The following MAPK10 variants were observed in gnomAD, a reference collection of about 807,000 sequenced individuals.
MAPK10 encodes the protein mitogen-activated protein kinase 10.
MAPK10 carries 25 observed loss-of-function variants against 59.3 expected under a neutral mutation model. The observed-to-expected ratio is 0.42, with a 90% CI of 0.31 to 0.59. The LOEUF (loss-of-function observed/expected upper bound fraction) is 0.59. MAPK10 is among the 20% of genes least tolerant of loss of function. MAPK10 has a pLI of 0.15. For missense variants in MAPK10, 351 were observed against 568.9 expected (o/e 0.62, Z 3.90); for synonymous variants, 190 against 200.5 (o/e 0.95, Z 0.44).
chr4:86,421,674 G>A (rs1333154861), intron 1 of MAPK10, among the ~76,000 whole-genome samples: 1 of 152,166 alleles, frequency 6.6e-6, no homozygotes, highest in African/African-American at 2.4e-5. Flanking sequence ...GTGCAGTAAG[G>A]AAGAACCTGG....
intron 2 of MAPK10, among the ~76,000 whole-genome samples, chr4:86,247,176 T>G (rs908221441): frequency 7.2e-5 from 11 of 152,226 alleles, no homozygotes; most frequent in African/African-American, 2.7e-4. Flanking sequence ...AAGCCTCTAT[T>G]GTACTATACC....
chr4:86,363,627 A>G (rs2148986757), upstream of MAPK10, among the ~76,000 whole-genome samples: 1 of 152,316 alleles, frequency 6.6e-6, no homozygotes, highest in African/African-American at 2.4e-5. Flanking sequence ...GAGACCTCAC[A>G]TCATTTTTGT....
rs149023215 is a variant in MAPK10, at chr4:86,190,067, T to C, written c.66+4269A>G. Among the ~76,000 whole-genome samples, 1,305 of 152,290 alleles carry C rather than the reference T, an allele frequency of 8.6e-3. 7 individuals carry two copies. Among genetic ancestry groups the C allele is most frequent in the Middle Eastern group, 0.027 (8 of 294 alleles). On this transcript the variant is annotated intron_variant, in intron 3 of 13. Coordinates refer to ENST00000641462, the MANE Select transcript of MAPK10 (RefSeq NM_138982.4). ...ATTACATTTATTGATTTGCATATGC[T>C]GAAACACCCTTGCATCCCAGGGATG...
chr4:86,310,939 G>C (rs1578061087), intron 2 of MAPK10, among the ~76,000 whole-genome samples: 1 of 151,560 alleles, frequency 6.6e-6, no homozygotes, highest in East Asian at 1.9e-4. Flanking sequence ...CTGTTATATA[G>C]GTTTCCTGTA....
At chr4:86,583,153 A>G (rs1212553907) in intron 1 of MAPK10, among the ~76,000 whole-genome samples, 1 of 152,092 alleles carries the variant, frequency 6.6e-6, no homozygotes, top group African/African-American at 2.4e-5. Flanking sequence ...TAGGTAGTAC[A>G]GTTACCTAAG....
intron 1 of MAPK10, among the ~76,000 whole-genome samples, chr4:86,374,032 A>G (rs568246566): frequency 2.0e-4 from 30 of 152,324 alleles, no homozygotes; most frequent in Admixed American, 5.2e-4. Flanking sequence ...CAGACTGGAT[A>G]AAGAAAATGT....
intron 2 of MAPK10, among the ~76,000 whole-genome samples, chr4:86,203,154 T>C (rs2083028936): frequency 6.6e-6 from 1 of 151,976 alleles, no homozygotes; most frequent in Admixed American, 6.6e-5. Flanking sequence ...AATCACTAGT[T>C]GTTCTTTTGG....
At chr4:86,206,075 A>G (rs1007090042) in intron 2 of MAPK10, among the ~76,000 whole-genome samples, 3 of 151,990 alleles carry the variant, frequency 2.0e-5, no homozygotes, top group Non-Finnish European at 4.4e-5. Flanking sequence ...TTTAAGTTTT[A>G]GGGTACATGT....
At position 86,479,875 on chromosome 4, in the gene MAPK10, C is replaced by T. The variant is rs546670424; in HGVS notation, c.-263+114035G>A. On this transcript the variant is annotated intron_variant, in intron 1 of 4. Coordinates refer to the MAPK10 transcript ENST00000502302. ...TTCTAACAACCCCACAATATCCCCC[C>T]TTACCACAAAATCTTCCTTCAGCTT... Among the ~76,000 whole-genome samples, 3 of 152,202 alleles carry T rather than the reference C, an allele frequency of 2.0e-5. No homozygotes were observed. In the South Asian group the frequency reaches 6.2e-4, roughly 32 times the overall value.
intron 8 of MAPK10, chr4:86,099,925 G>A (rs28485608): frequency 0.23 from 34,956 of 152,040 alleles, 4,243 homozygotes; most frequent in South Asian, 0.26. Context: ...CTCCGATATT[G>A]CCCACCAGGG....
intron 2 of MAPK10, among the ~76,000 whole-genome samples, chr4:86,242,312 T>C (rs1175073859): frequency 6.6e-6 from 1 of 152,118 alleles, no homozygotes; most frequent in Non-Finnish European, 1.5e-5. Context: ...CAACCCCTGT[T>C]GGAGGGTCTC....
intron 3 of MAPK10, among the ~76,000 whole-genome samples, chr4:86,182,600 G>A (rs2077159925): frequency 2.0e-5 from 3 of 152,058 alleles, no homozygotes; most frequent in Admixed American, 6.6e-5. Context: ...GAAATGAGAA[G>A]CTTCCAAGGA....
At chr4:86,382,185 T>C (rs1220785474) in intron 1 of MAPK10, among the ~76,000 whole-genome samples, 1 of 151,934 alleles carries the variant, frequency 6.6e-6, no homozygotes, top group South Asian at 2.1e-4. Flanking sequence ...TGAGGACCAC[T>C]GAGATACAAC....
chr4:86,574,011 C>T lies in MAPK10; in HGVS notation c.-263+19899G>A, dbSNP rs968977339. 2.3e-4 allele frequency among the ~76,000 whole-genome samples: 35 copies of T among 152,226 alleles called. 1 individual carries two copies. The highest frequency in any genetic ancestry group is 1.5e-3 in the Admixed American group (23 of 15,268). On this transcript the variant is annotated intron_variant, in intron 1 of 4. Coordinates refer to the MAPK10 transcript ENST00000502302. ...TGCTGCTGTGCTGCACCCATTAACT[C>T]GTCATTTAGCAGTAGGTATATCTCC...
intron 2 of MAPK10, among the ~76,000 whole-genome samples, chr4:86,323,048 G>A (rs950064541): frequency 5.3e-5 from 8 of 152,114 alleles, no homozygotes; most frequent in Non-Finnish European, 1.0e-4. Context: ...GGTGGCATGC[G>A]CCTATAGTCC....
At chr4:86,297,748 T>TCGAC (rs2095394458) in intron 2 of MAPK10, among the ~76,000 whole-genome samples, 2 of 95,648 alleles carry the variant, frequency 2.1e-5, no homozygotes, top group South Asian at 4.7e-4. Flanking sequence ...ATCTCTACTC[T>TCGAC]TTACTCTAAT....
intron 1 of MAPK10, among the ~76,000 whole-genome samples, chr4:86,578,841 T>C (rs2149111281): frequency 6.6e-6 from 1 of 151,714 alleles, no homozygotes; most frequent in African/African-American, 2.4e-5. Context: ...AATGAAGCAT[T>C]TTAAACAGAA....
At chr4:86,288,435 C>T (rs1301350249) in intron 2 of MAPK10, among the ~76,000 whole-genome samples, 1 of 149,834 alleles carries the variant, frequency 6.7e-6, no homozygotes, top group Non-Finnish European at 1.5e-5. Flanking sequence ...CTATAAAAAC[C>T]ATGATCTAAA....
chr4:86,022,981 T>C (rs1306651969), intron 13 of MAPK10, among the ~76,000 whole-genome samples: 3 of 152,254 alleles, frequency 2.0e-5, no homozygotes, highest in African/African-American at 7.2e-5. Flanking sequence ...TTTTATCACT[T>C]GTGTTTTAGT....
Sources: gnomAD v4.1 joint callset for allele counts (sites outside exome capture counted in the v4.1 genomes callset) on GRCh38, gnomAD v4.1.1 for gene constraint, MANE v1.5 for transcripts, NCBI Gene and HGNC (gene_info 2026-07-23, HGNC 2026-07-21) for gene names.